The following KDM5B variants were observed in gnomAD, a reference collection of about 807,000 sequenced individuals.
KDM5B encodes the protein lysine demethylase 5B, also known as lysine-specific demethylase 5B.
Under a neutral mutation model 193.4 loss-of-function variants are expected in KDM5B, and 144 were observed. The observed-to-expected ratio is 0.74, with a 90% CI of 0.65 to 0.86. The LOEUF (loss-of-function observed/expected upper bound fraction) is 0.86. Ranked by LOEUF, KDM5B falls within the 40% of genes least tolerant of loss-of-function variation. KDM5B has a pLI of 0.00. For synonymous variants in KDM5B, 668 were observed against 682.6 expected (o/e 0.98, Z 0.33); for missense variants, 1,833 against 1,886.9 (o/e 0.97, Z 0.53).
At chr1:202,791,127 T>G (rs375849747) in intron 1 of KDM5B, among the ~76,000 whole-genome samples, 3 of 152,226 alleles carry the variant, frequency 2.0e-5, no homozygotes, top group African/African-American at 4.8e-5. Flanking sequence ...CAGACTATGC[T>G]GTGTGACTGT....
chr1:202,742,321 A>T (rs532925356), intron 18 of KDM5B, 70 bp downstream of exon 18: 1 of 1,031,422 alleles, frequency 9.7e-7, no homozygotes, highest in East Asian at 2.4e-5. Context: ...TTACTTAGTA[A>T]TATCAATAGA....
intron 1 of KDM5B, among the ~76,000 whole-genome samples, chr1:202,790,380 C>T (rs974664581): frequency 6.6e-6 from 1 of 152,282 alleles, no homozygotes; most frequent in African/African-American, 2.4e-5. Context: ...AGTTTGAGAC[C>T]AGCCTGGGCA....
intron 20 of KDM5B, among the ~76,000 whole-genome samples, chr1:202,738,129 A>G (rs1655165603): frequency 6.6e-6 from 1 of 152,204 alleles, no homozygotes; most frequent in South Asian, 2.1e-4. Context: ...CCTTAAATAT[A>G]TGATGCAAAA....
intron 1 of KDM5B, among the ~76,000 whole-genome samples, chr1:202,802,034 T>C (rs1171813047): frequency 1.3e-5 from 2 of 150,220 alleles, no homozygotes; most frequent in African/African-American, 2.4e-5. Flanking sequence ...TATTAGAAAA[T>C]ACCAAATTCT....
intron 20 of KDM5B, among the ~76,000 whole-genome samples, chr1:202,740,265 C>T (rs1386761278): frequency 8.4e-5 from 12 of 142,286 alleles, no homozygotes; most frequent in Non-Finnish European, 1.7e-4. Context: ...GACGGGGCGG[C>T]TGGCCGGGCA....
intron 2 of KDM5B, among the ~76,000 whole-genome samples, chr1:202,775,091 G>C (rs1055111215): frequency 2.0e-5 from 3 of 148,750 alleles, no homozygotes; most frequent in African/African-American, 7.4e-5. Context: ...ACAAAAATCA[G>C]CCTAGTGTGG....
At chr1:202,781,478 C>T (rs1657195895) in intron 1 of KDM5B, among the ~76,000 whole-genome samples, 1 of 152,114 alleles carries the variant, frequency 6.6e-6, no homozygotes, top group African/African-American at 2.4e-5. Flanking sequence ...TTTTAAATGT[C>T]AGTTAAAAAA....
chr1:202,756,460 C>T lies in KDM5B; in HGVS notation c.1254G>A (p.Glu418=), dbSNP rs771637568. ...CTCCATATTCCACTGTGACATCCTC[C>T]TCAATAGTGCTTACTAGTCTCCAAA... is the stretch of plus-strand genomic sequence containing the variant. The part of the protein sequence containing the change: ...KEFWRLVSTI[E]EDVTVEYGAD... Residue 418 remains glutamate, a synonymous_variant, in exon 10 of 27, where the codon GAG becomes GAA. Coordinates refer to ENST00000367265, the MANE Select transcript of KDM5B (RefSeq NM_006618.5). 8.7e-6 allele frequency: 14 copies of T among 1,612,908 alleles called. No individual in the cohort carries two copies. In the East Asian group the frequency reaches 2.7e-4, roughly 31 times the overall value.
chr1:202,793,973 C>T (rs1252593348), intron 1 of KDM5B, among the ~76,000 whole-genome samples: 1 of 152,162 alleles, frequency 6.6e-6, no homozygotes, highest in Non-Finnish European at 1.5e-5. Context: ...AATTTGGTGG[C>T]TGTTCTCAAT....
At chr1:202,752,793 T>C in intron 12 of KDM5B, 112 bp downstream of exon 12, 1 of 1,012,362 alleles carries the variant, frequency 9.9e-7, no homozygotes, top group South Asian at 1.6e-5. Context: ...TGCTATCAAG[T>C]CATGCTATGG....
intron 6 of KDM5B, among the ~76,000 whole-genome samples, chr1:202,763,180 C>T (rs1347069514): frequency 6.6e-6 from 1 of 152,224 alleles, no homozygotes; most frequent in Non-Finnish European, 1.5e-5. Flanking sequence ...CCACATAACA[C>T]ATTATCTCTC....
intron 20 of KDM5B, among the ~76,000 whole-genome samples, chr1:202,738,475 T>G (rs1435055979): frequency 6.6e-6 from 1 of 152,254 alleles, no homozygotes; most frequent in Non-Finnish European, 1.5e-5. Context: ...TTTGGCTTGC[T>G]GGAGTCAGTC....
chr1:202,784,777 T>C (rs1370604931), intron 1 of KDM5B, among the ~76,000 whole-genome samples: 2 of 152,182 alleles, frequency 1.3e-5, no homozygotes, highest in African/African-American at 4.8e-5. Context: ...CGGTGGCTCA[T>C]GCCAGTAATC....
chr1:202,774,956 G>A (rs947396240), intron 2 of KDM5B, among the ~76,000 whole-genome samples: 1 of 151,936 alleles, frequency 6.6e-6, no homozygotes, highest in Non-Finnish European at 1.5e-5. Context: ...AATTATACAT[G>A]GCCGGCCGGG....
rs1558479581 is a variant in KDM5B at position 202,733,385 on chromosome 1, GA to G, written c.3909+15del. 2.5e-6 allele frequency: 4 copies of G among 1,605,568 alleles called. No homozygotes were observed. The highest frequency in any genetic ancestry group is 3.4e-6 in the Non-Finnish European group (4 of 1,173,962). On this transcript the variant is annotated intron_variant, in intron 23 of 26. Transcript: ENST00000367265. ...TTGCAAATTCCAATAACCCAACAAG[GA>G]AAGTCCAGATTCACCTTGTTTGTGT...
chr1:202,766,555 C>T (rs1163488931), intron 5 of KDM5B: 2 of 424,354 alleles, frequency 4.7e-6, no homozygotes, highest in Non-Finnish European at 9.0e-6. Context: ...TGTCTTCTAA[C>T]CACTCTGTTT....
In KDM5B at chr1:202,746,168, G is replaced by A; in HGVS notation, c.2172C>T (p.Ser724=). 1.2e-6 allele frequency: 2 copies of A among 1,612,680 alleles called. No individual in the cohort carries two copies. The highest frequency in any genetic ancestry group is 1.7e-6 in the Non-Finnish European group (2 of 1,179,402). ...GCAATTTATATTTGTAAGGAGGACAGGAACACAATTCTTTTACATGATGCA... is the reference window on the plus strand; with the variant it reads ...GCAATTTATATTTGTAAGGAGGACAAGAACACAATTCTTTTACATGATGCA... The part of the protein sequence containing the change: ...VCLHHVKELC[S]CPPYKYKLRY... The change falls in exon 15 of 27, where the codon TCC becomes TCT. Residue 724 remains serine (S), a synonymous_variant. Transcript: ENST00000367265.
chr1:202,741,382 C>A lies in KDM5B; in HGVS notation c.2930G>T (p.Ser977Ile), dbSNP rs754976034. The change falls in exon 19 of 27, where the codon AGT becomes ATT. Residue 977 changes from serine to isoleucine, a missense_variant. Ser to Ile is a moderately radical substitution (Grantham distance 142). This residue lies in a region of KDM5B where 1,379 missense variants were observed against 1,349.6 expected (regional missense o/e 1.02). Coordinates refer to ENST00000367265, the MANE Select transcript of KDM5B (RefSeq NM_006618.5). The stretch of plus-strand genomic sequence containing the variant: ...GCTTTTTCACCTGGCCTTGAGGAGA[C>A]TCTTGGCTTTGTCGTCCCAGTGCTC... ...VSEHWDDKAK[S>I]LLKARPRHSL... is the part of the protein sequence containing the mutation. The A allele has an allele frequency of 1.3e-6, 2 of 1,550,074 alleles. No homozygotes were observed. Among genetic ancestry groups the A allele is most frequent in the East Asian group, 4.5e-5 (2 of 44,296 alleles).
rs1209008297 is a variant in KDM5B, at chr1:202,740,703, C to T, written c.3055G>A (p.Asp1019Asn). 1 of 1,612,644 alleles carries T rather than the reference C, an allele frequency of 6.2e-7. No individual in the cohort carries two copies. Among genetic ancestry groups the T allele is most frequent in the South Asian group, 1.1e-5 (1 of 91,008 alleles). ...ALKDSVQRAR[D>N]WLQDVEGLQA... is the part of the protein sequence containing the mutation. ...AGGCCCTCTACATCCTGAAGCCAGT[C>T]TCTGGCTCTCTGCACTGAGTCTTTC... The change falls in exon 20 of 27, where the codon GAC (aspartate) becomes AAC (asparagine). Residue 1019 changes from aspartate to asparagine, a missense_variant. By Grantham distance (23) the Asp-to-Asn change is conservative. Coordinates refer to ENST00000367265, the MANE Select transcript of KDM5B (RefSeq NM_006618.5).
Sources: gnomAD v4.1 joint callset for allele counts (sites outside exome capture counted in the v4.1 genomes callset) on GRCh38, gnomAD v4.1.1 for gene constraint, gnomAD v4.1.1 regional missense constraint, MANE v1.5 for transcripts, NCBI Gene and HGNC (gene_info 2026-07-23, HGNC 2026-07-21) for gene names.